Variants in PCCA observed in about 807,000 individuals in gnomAD.
PCCA encodes propionyl-CoA carboxylase subunit alpha.
PCCA carries 74 observed loss-of-function variants against 101.3 expected under a neutral mutation model. That is an observed-to-expected ratio of 0.73 (90% CI 0.61 to 0.89). The LOEUF is 0.89. Ranked by LOEUF, PCCA falls within the 40% of genes least tolerant of loss-of-function variation. The pLI, the probability that PCCA is intolerant of heterozygous loss-of-function variation, is 0.00. For missense variants in PCCA, 891 were observed against 907.0 expected, an observed-to-expected ratio of 0.98 and a Z score of 0.23; for synonymous variants, 294 against 313.6, an observed-to-expected ratio of 0.94 and a Z score of 0.66.
intron 5 of PCCA, among the ~76,000 whole-genome samples, chr13:100,155,735 C>G (rs940066651): frequency 6.6e-6 from 1 of 151,954 alleles, no homozygotes; most frequent in African/African-American, 2.4e-5. Flanking sequence ...AAAAACTATG[C>G]AAAGTTATCT....
chr13:100,156,520 C>T (rs1358776872), intron 5 of PCCA, among the ~76,000 whole-genome samples: 3 of 152,200 alleles, frequency 2.0e-5, no homozygotes, highest in Middle Eastern at 3.4e-3. Context: ...TATGTTTGGC[C>T]AGTCTGGGAG....
Position 100,226,609 on chromosome 13 carries a change from G to A in PCCA, c.601-9233G>A, listed in dbSNP as rs140497541. Among the ~76,000 whole-genome samples the A allele has an allele frequency of 3.3e-5, 5 of 152,284 alleles. 1 individual carries two copies. Among genetic ancestry groups the A allele is most frequent in the South Asian group, 4.1e-4 (2 of 4,826 alleles). Reference sequence around the variant, plus strand: ...ACCAGCAATACCGAGTTCGTAGATCGTCTGATCCAGTGCATTATAAGAGAG... The same window carrying A: ...ACCAGCAATACCGAGTTCGTAGATCATCTGATCCAGTGCATTATAAGAGAG... On this transcript the variant is annotated intron_variant, in intron 7 of 23. Transcript: ENST00000376285.
chr13:100,530,311 ATTCTGCC>A lies in PCCA; in HGVS notation c.*146_*152del. The A allele has an allele frequency of 2.8e-6, 2 of 719,956 alleles. No homozygotes were observed. The highest frequency in any genetic ancestry group is 2.1e-5 in the Admixed American group (1 of 48,042). 44.6% of individuals were successfully genotyped at this position (719,956 alleles called of 1,614,324 possible). A position where few individuals can be genotyped will look rare whatever the true frequency, so the allele number is the denominator to read the frequency against. ...TTTATTCCACAGAGTCAAGACCAAT[ATTCTGCC>A]AAAAAATCACCAATGGAAATTTTCA... is the stretch of plus-strand genomic sequence containing the variant. On this transcript the variant is annotated 3_prime_UTR_variant, in exon 24 of 24. Transcript: ENST00000376285.
chr13:100,373,324 ACAGTTGGTAGGAATATAAAAT>A (rs1184167708), intron 19 of PCCA, among the ~76,000 whole-genome samples: 1 of 152,334 alleles, frequency 6.6e-6, no homozygotes, highest in East Asian at 1.9e-4. Flanking sequence ...ACCCTTGTGC[ACAGTTGGTAGGAATATAAAAT>A]GATGTGGTTA....
chr13:100,507,846 C>T (rs2086198811), intron 21 of PCCA, among the ~76,000 whole-genome samples: 1 of 150,998 alleles, frequency 6.6e-6, no homozygotes, highest in Admixed American at 6.6e-5. Flanking sequence ...TTAGTAGAGA[C>T]GGGGTTTCAC....
At chr13:100,105,653 C>T (rs2047685005) in intron 2 of PCCA, among the ~76,000 whole-genome samples, 1 of 102,948 alleles carries the variant, frequency 9.7e-6, no homozygotes, top group African/African-American at 4.0e-5. Flanking sequence ...AACCCTGTCT[C>T]TACCAAAAAA....
chr13:100,229,782 C>A lies in PCCA; in HGVS notation c.601-6060C>A, dbSNP rs147854416. 1.4e-3 allele frequency among the ~76,000 whole-genome samples: 207 copies of A among 152,336 alleles called. 2 individuals carry two copies. The highest frequency in any genetic ancestry group is 6.8e-3 in the Middle Eastern group (2 of 294). The stretch of plus-strand genomic sequence containing the variant: ...TCAATGTACTCTCGTGGCAAAACTG[C>A]TGGCGAATGTACCCTTTCTGCAGAA... On this transcript the variant is annotated intron_variant, in intron 7 of 23. Transcript: ENST00000376285.
chr13:100,101,817 G>C (rs2047310704), intron 1 of PCCA, among the ~76,000 whole-genome samples: 1 of 152,080 alleles, frequency 6.6e-6, no homozygotes, highest in Non-Finnish European at 1.5e-5. Context: ...TGGCCAGTCT[G>C]GTCGCAAACT....
chr13:100,351,258 TG>T (rs2073235492), intron 18 of PCCA, among the ~76,000 whole-genome samples: 1 of 152,132 alleles, frequency 6.6e-6, no homozygotes, highest in Non-Finnish European at 1.5e-5. Flanking sequence ...CTGTAGGTAA[TG>T]GAGGAATATT....
intron 12 of PCCA, among the ~76,000 whole-genome samples, chr13:100,285,001 A>G (rs2064482401): frequency 6.6e-6 from 1 of 152,214 alleles, no homozygotes; most frequent in Admixed American, 6.5e-5. Flanking sequence ...CTAGCTGATC[A>G]AGGGTACAAG....
chr13:100,350,775 T>A (rs1752353536), intron 18 of PCCA, among the ~76,000 whole-genome samples: 1 of 152,202 alleles, frequency 6.6e-6, no homozygotes, highest in African/African-American at 2.4e-5. Flanking sequence ...TTGTAATTCT[T>A]TGGCTGCAGG....
At chr13:100,432,606 A>G (rs986006737) in intron 20 of PCCA, among the ~76,000 whole-genome samples, 1 of 152,304 alleles carries the variant, frequency 6.6e-6, no homozygotes, top group South Asian at 2.1e-4. Context: ...AGATATTACA[A>G]CTTTTTGCAG....
intron 21 of PCCA, among the ~76,000 whole-genome samples, chr13:100,466,439 G>A (rs991074413): frequency 1.3e-5 from 2 of 152,176 alleles, no homozygotes; most frequent in African/African-American, 2.4e-5. Context: ...CATATGTTTT[G>A]TATGGTGTAA....
intron 12 of PCCA, among the ~76,000 whole-genome samples, chr13:100,280,613 T>C (rs1186561662): frequency 6.6e-6 from 1 of 152,216 alleles, no homozygotes; most frequent in Non-Finnish European, 1.5e-5. Context: ...GGAGAACTAC[T>C]CTACGGACAC....
intron 21 of PCCA, among the ~76,000 whole-genome samples, chr13:100,481,894 T>C (rs1271508956): frequency 6.6e-6 from 1 of 152,240 alleles, no homozygotes; most frequent in East Asian, 1.9e-4. Flanking sequence ...TTACAGTTCC[T>C]GGGGTGAAAG....
At chr13:100,211,379 C>T (rs2059203032) in intron 7 of PCCA, among the ~76,000 whole-genome samples, 1 of 152,170 alleles carries the variant, frequency 6.6e-6, no homozygotes, top group African/African-American at 2.4e-5. Flanking sequence ...TTTCCTCATT[C>T]CTACTGAATT....
chr13:100,447,177 G>T (rs1001486772), intron 20 of PCCA, among the ~76,000 whole-genome samples: 7 of 152,200 alleles, frequency 4.6e-5, no homozygotes, highest in Non-Finnish European at 1.0e-4. Flanking sequence ...GAGGTCAGGA[G>T]TTCGAGACCA....
chr13:100,240,631 T>C (rs1382247487), intron 8 of PCCA, among the ~76,000 whole-genome samples: 2 of 152,166 alleles, frequency 1.3e-5, no homozygotes, highest in Non-Finnish European at 2.9e-5. Flanking sequence ...TTTGAAAAAT[T>C]TCAATCATAC....
chr13:100,379,459 A>C (rs1254105563), intron 19 of PCCA, among the ~76,000 whole-genome samples: 1 of 152,230 alleles, frequency 6.6e-6, no homozygotes, highest in African/African-American at 2.4e-5. Context: ...GAAAAAAGAA[A>C]TTAAGGAAAA....
Sources: allele counts gnomAD v4.1 joint callset (sites outside exome capture counted in the v4.1 genomes callset), GRCh38; gene constraint gnomAD v4.1.1; transcripts MANE v1.5; gene names NCBI Gene and HGNC (gene_info 2026-07-23, HGNC 2026-07-21).